Variants in AFG2B observed in about 807,000 individuals in gnomAD.
The protein encoded by AFG2B is ATPase family gene 2 protein homolog B.
At chr15:45,407,187 A>G in the AFG2B span, 1 of 1,261,518 alleles carries the variant, frequency 7.9e-7, no homozygotes. Context: ...TGGAAGGAAG[A>G]AAGGCAAAAA....
chr15:45,409,898 A>C, the AFG2B span, among the ~76,000 whole-genome samples: 1 of 152,184 alleles, frequency 6.6e-6, no homozygotes, highest in Non-Finnish European at 1.5e-5. Context: ...ATGAGCACAA[A>C]GACTTTTTCA....
At chr15:45,416,259 C>CTGAATGAA in the AFG2B span, among the ~76,000 whole-genome samples, 1 of 152,224 alleles carries the variant, frequency 6.6e-6, no homozygotes, top group South Asian at 2.1e-4. Context: ...GGCCCCATAT[C>CTGAATGAA]TGAATGAATG....
chr15:45,414,958 C>T, the AFG2B span, among the ~76,000 whole-genome samples: 2 of 152,000 alleles, frequency 1.3e-5, no homozygotes, highest in East Asian at 1.9e-4. Context: ...ATCCTCCTAC[C>T]TACTGTTAAC....
At chr15:45,415,514 A>T in the AFG2B span, 1 of 1,253,884 alleles carries the variant, frequency 8.0e-7, no homozygotes, top group Non-Finnish European at 1.1e-6. Flanking sequence ...AAAAAAAAAC[A>T]GGATTATAAA....
At chr15:45,421,342 A>C in the AFG2B span, 7 of 603,562 alleles carry the variant, frequency 1.2e-5, no homozygotes, top group African/African-American at 1.2e-4. Context: ...CAAAACAAAA[A>C]AAACTTGTGC....
chr15:45,402,633 G>A, the AFG2B span: 8 of 1,577,764 alleles, frequency 5.1e-6, no homozygotes, highest in Admixed American at 8.9e-5. Context: ...GGGACGGAGC[G>A]GACGGCTTTG....
chr15:45,413,303 C>G, the AFG2B span, among the ~76,000 whole-genome samples: 1 of 152,166 alleles, frequency 6.6e-6, no homozygotes, highest in South Asian at 2.1e-4. Context: ...ACTCAGAAAT[C>G]TGTATATCTA....
chr15:45,418,725 G>T, the AFG2B span: 1 of 1,599,288 alleles, frequency 6.3e-7, no homozygotes, highest in South Asian at 1.1e-5. Flanking sequence ...AAACATTTCT[G>T]CATCTTTTCA....
At chr15:45,414,839 G>C in the AFG2B span, 10 of 1,429,814 alleles carry the variant, frequency 7.0e-6, no homozygotes, top group Admixed American at 2.0e-5. Flanking sequence ...CATTTCTTAT[G>C]GACAAACCTT....
the AFG2B span, among the ~76,000 whole-genome samples, chr15:45,420,703 A>C: frequency 6.6e-6 from 1 of 152,028 alleles, no homozygotes; most frequent in East Asian, 1.9e-4. Context: ...TTAAAAAAAA[A>C]AGAAAAGAAG....
the AFG2B span, chr15:45,410,322 A>AG: frequency 6.3e-7 from 1 of 1,588,154 alleles, no homozygotes; most frequent in Non-Finnish European, 8.6e-7. Flanking sequence ...ATAAAAAAAG[A>AG]CCAACCTAAT....
the AFG2B span, among the ~76,000 whole-genome samples, chr15:45,419,768 C>T: frequency 6.6e-6 from 1 of 152,014 alleles, no homozygotes; most frequent in African/African-American, 2.4e-5. Flanking sequence ...GTAATCCCAG[C>T]ATTTTGTTGG....
At chr15:45,418,880 C>T in the AFG2B span, among the ~76,000 whole-genome samples, 1 of 152,224 alleles carries the variant, frequency 6.6e-6, no homozygotes, top group East Asian at 1.9e-4. Context: ...AATCTTAATA[C>T]TGAGTTGGCA....
chr15:45,413,088 A>G, the AFG2B span, among the ~76,000 whole-genome samples: 2 of 152,220 alleles, frequency 1.3e-5, no homozygotes, highest in Non-Finnish European at 2.9e-5. Flanking sequence ...TGTTCACAAG[A>G]TGCATGAGAG....
the AFG2B span, among the ~76,000 whole-genome samples, chr15:45,412,069 G>A: frequency 6.6e-6 from 1 of 150,938 alleles, no homozygotes; most frequent in Non-Finnish European, 1.5e-5. Context: ...TTGTACTCCA[G>A]CTTGAGCAAC....
At chr15:45,406,738 G>T in the AFG2B span, among the ~76,000 whole-genome samples, 1 of 152,152 alleles carries the variant, frequency 6.6e-6, no homozygotes, top group African/African-American at 2.4e-5. Flanking sequence ...ATCTTAAACT[G>T]CAAAAGAATG....
At chr15:45,402,719 A>T in the AFG2B span, 1 of 1,565,104 alleles carries the variant, frequency 6.4e-7, no homozygotes, top group African/African-American at 1.4e-5. Context: ...CTCAGCCTGA[A>T]TCGCCTCCTC....
the AFG2B span, chr15:45,403,053 G>A: frequency 4.5e-6 from 7 of 1,553,582 alleles, no homozygotes; most frequent in Non-Finnish European, 6.1e-6. Context: ...TTTCGGAGGC[G>A]GCCGACTCGC....
chr15:45,411,047 C>T, the AFG2B span, among the ~76,000 whole-genome samples: 1 of 152,016 alleles, frequency 6.6e-6, no homozygotes. Context: ...ACTAAAAATA[C>T]AAAAATTAGC....
Sources: allele counts gnomAD v4.1 joint callset (sites outside exome capture counted in the v4.1 genomes callset), GRCh38; gene constraint gnomAD v4.1.1; transcripts MANE v1.5; gene names NCBI Gene and HGNC (gene_info 2026-07-23, HGNC 2026-07-21).